TMOD3: variants seen among roughly 807,000 people sequenced by gnomAD.
TMOD3 encodes the protein tropomodulin 3.
A neutral mutation model predicts 39.2 loss-of-function variants in TMOD3; 20 were observed. That is an observed-to-expected ratio of 0.51 (90% CI 0.36 to 0.74). The LOEUF is 0.74. Among genes scored for constraint, TMOD3 ranks in the 30% least tolerant of loss-of-function variants. The pLI is 0.00. For synonymous variants in TMOD3, 143 were observed against 145.8 expected (o/e 0.98, Z 0.14); for missense variants, 381 against 412.8 (o/e 0.92, Z 0.67).
At chr15:51,860,326 A>C (rs1453413950) in intron 1 of TMOD3, 2 of 537,870 alleles carry the variant, frequency 3.7e-6, no homozygotes, top group Non-Finnish European at 3.7e-6. Flanking sequence ...ATCCGTGCCA[A>C]TTTGCCCTTA....
chr15:51,886,926 TAAG>T (rs1316627547), intron 3 of TMOD3, among the ~76,000 whole-genome samples: 3 of 152,114 alleles, frequency 2.0e-5, no homozygotes, highest in African/African-American at 7.2e-5. Context: ...TGCTTAATAA[TAAG>T]AAATTGGGGC....
intron 3 of TMOD3, among the ~76,000 whole-genome samples, chr15:51,878,007 TC>T: frequency 6.6e-6 from 1 of 152,350 alleles, no homozygotes; most frequent in East Asian, 1.9e-4. Flanking sequence ...TCTGTGCAGT[TC>T]CCTCCTTTCT....
At chr15:51,879,343 C>G (rs1266685130) in intron 3 of TMOD3, among the ~76,000 whole-genome samples, 1 of 151,364 alleles carries the variant, frequency 6.6e-6, no homozygotes, top group Non-Finnish European at 1.5e-5. Context: ...TCATTTCATA[C>G]TTATCTGAGA....
intron 1 of TMOD3, among the ~76,000 whole-genome samples, chr15:51,854,129 T>C (rs10519325): frequency 0.015 from 2,276 of 152,264 alleles, 84 homozygotes; most frequent in Admixed American, 0.074. Context: ...GCTGAGGAGA[T>C]TGGACTTTCT....
chr15:51,877,479 AC>A (rs1461874104), intron 3 of TMOD3, among the ~76,000 whole-genome samples: 1 of 152,154 alleles, frequency 6.6e-6, no homozygotes, highest in African/African-American at 2.4e-5. Flanking sequence ...GCAGTTCGAT[AC>A]CAGCCTGACC....
chr15:51,861,232 GCT>G, intron 1 of TMOD3: 1 of 422,138 alleles, frequency 2.4e-6, no homozygotes, highest in Non-Finnish European at 4.6e-6. Flanking sequence ...AGTCCAATGT[GCT>G]CTAGCTGTTC....
At chr15:51,885,040 C>T (rs2056552956) in intron 3 of TMOD3, among the ~76,000 whole-genome samples, 1 of 152,214 alleles carries the variant, frequency 6.6e-6, no homozygotes, top group South Asian at 2.1e-4. Context: ...TGGTGACTAA[C>T]ATGCACATCA....
chr15:51,850,503 G>A lies in TMOD3; in HGVS notation c.-74-12308G>A, dbSNP rs113683903. 2.4e-3 allele frequency among the ~76,000 whole-genome samples: 360 copies of A among 152,250 alleles called. 2 individuals are homozygous for A. Among genetic ancestry groups the A allele is most frequent in the Admixed American group, 5.9e-3 (91 of 15,300 alleles). On this transcript the variant is annotated intron_variant, in intron 1 of 9. Transcript: ENST00000308580. ...TTAAGGTAAGGTCATCAGAGAGTGA[G>A]GGGTAGGCAGTATTGAAGGTCTGAG...
chr15:51,904,965 C>T (rs2056670738), intron 9 of TMOD3, among the ~76,000 whole-genome samples: 1 of 152,194 alleles, frequency 6.6e-6, no homozygotes, highest in Non-Finnish European at 1.5e-5. Context: ...CTCCCAGTTA[C>T]ACTGTTTCAT....
intron 1 of TMOD3, among the ~76,000 whole-genome samples, chr15:51,830,677 T>C (rs2056250354): frequency 6.6e-6 from 1 of 152,226 alleles, no homozygotes; most frequent in African/African-American, 2.4e-5. Flanking sequence ...AAGTTAGTTA[T>C]GTGCAGCCTC....
intron 5 of TMOD3, 73 bp from the exon 6 acceptor site, chr15:51,893,742 G>A (rs2056606739): frequency 1.5e-6 from 2 of 1,369,996 alleles, no homozygotes; most frequent in Non-Finnish European, 1.9e-6. Flanking sequence ...TCCGGCCTGG[G>A]CGAAAGTGCG....
In TMOD3 at chr15:51,829,768, C is replaced by A. The variant is rs1345347725; in HGVS notation, c.-143C>A. The A allele has an allele frequency of 6.6e-6, 1 of 152,488 alleles. No individual in the cohort carries two copies. Among genetic ancestry groups the A allele is most frequent in the South Asian group, 2.1e-4 (1 of 4,840 alleles). The allele number at this position is 152,488 out of a possible 1,614,324, so 9.4% of individuals were successfully genotyped here. ...GGACCGGCGGGTGCTGGGAACCGAG[C>A]CTCGGCTTGCGGCCGGCAGTTTCCG... is the stretch of plus-strand genomic sequence containing the variant. On this transcript the variant is annotated 5_prime_UTR_variant, in exon 1 of 10. Coordinates refer to ENST00000308580, the MANE Select transcript of TMOD3 (RefSeq NM_014547.5).
At chr15:51,883,780 C>A (rs1313385039) in intron 3 of TMOD3, among the ~76,000 whole-genome samples, 2 of 152,176 alleles carry the variant, frequency 1.3e-5, no homozygotes, top group East Asian at 3.9e-4. Flanking sequence ...ACAGTGAAGC[C>A]ACTGTGCATA....
intron 1 of TMOD3, among the ~76,000 whole-genome samples, chr15:51,848,018 A>C (rs1351932395): frequency 6.6e-6 from 1 of 152,058 alleles, no homozygotes; most frequent in Non-Finnish European, 1.5e-5. Flanking sequence ...GGCCCTAGAG[A>C]GCTGCCTTGC....
intron 9 of TMOD3, among the ~76,000 whole-genome samples, chr15:51,902,999 T>G (rs1219927372): frequency 6.6e-6 from 1 of 152,074 alleles, no homozygotes; most frequent in Non-Finnish European, 1.5e-5. Flanking sequence ...TTGGCCAGGA[T>G]GGTCTCAATC....
At chr15:51,860,298 A>G in intron 1 of TMOD3, 1 of 531,980 alleles carries the variant, frequency 1.9e-6, no homozygotes, top group South Asian at 1.4e-5. Context: ...AATTATGCTT[A>G]CAGAATTTTC....
At position 51,914,887 on chromosome 15, in the gene TMOD3, A is replaced by G. The variant is rs1022137865; in HGVS notation, c.*6077A>G. 1.3e-5 allele frequency: 2 copies of G among 151,878 alleles called. No homozygotes were observed. Among genetic ancestry groups the G allele is most frequent in the Non-Finnish European group, 2.9e-5 (2 of 68,012 alleles). 9.4% of individuals were successfully genotyped at this position (151,878 alleles called of 1,614,324 possible). On this transcript the variant is annotated 3_prime_UTR_variant, in exon 10 of 10. Transcript: ENST00000308580. ...GCTGGGACTACAGGTGCCCGCCACC[A>G]CGCCTGACTAATTTTTGTATTTTCA... is the stretch of plus-strand genomic sequence containing the variant.
chr15:51,892,787 C>T (rs2056600306), intron 5 of TMOD3, among the ~76,000 whole-genome samples: 1 of 152,112 alleles, frequency 6.6e-6, no homozygotes, highest in Non-Finnish European at 1.5e-5. Flanking sequence ...TGATGAGATG[C>T]TAGATTTTAT....
chr15:51,856,950 G>A (rs2056390828), intron 1 of TMOD3, among the ~76,000 whole-genome samples: 1 of 152,182 alleles, frequency 6.6e-6, no homozygotes, highest in African/African-American at 2.4e-5. Flanking sequence ...TCTCACGCAT[G>A]TGTACCAGGA....
Sources: gnomAD v4.1 joint callset for allele counts (sites outside exome capture counted in the v4.1 genomes callset) on GRCh38, gnomAD v4.1.1 for gene constraint, MANE v1.5 for transcripts, NCBI Gene and HGNC (gene_info 2026-07-23, HGNC 2026-07-21) for gene names.